The following RNF130 variants were observed in gnomAD, a reference collection of about 807,000 sequenced individuals.
The protein encoded by RNF130 is ring finger protein 130.
A neutral mutation model predicts 44.6 loss-of-function variants in RNF130; 21 were observed. The ratio of observed to expected loss-of-function variants is 0.47; its 90% CI spans 0.33 to 0.68. The LOEUF is 0.68. Among genes scored for constraint, RNF130 ranks in the 30% least tolerant of loss-of-function variants. RNF130 has a pLI of 0.02. For missense variants in RNF130, 479 were observed against 560.6 expected (o/e 0.85, Z 1.47); for synonymous variants, 214 against 210.4 (o/e 1.02, Z -0.15).
intron 1 of RNF130, among the ~76,000 whole-genome samples, chr5:180,055,811 G>A (rs374288079): frequency 6.6e-6 from 1 of 152,190 alleles, no homozygotes; most frequent in East Asian, 1.9e-4. Flanking sequence ...TACAACTGGT[G>A]CGTGGCTCAT....
chr5:179,914,288 A>G (rs1182480894), exon 8 of RNF130: 1 of 152,112 alleles, frequency 6.6e-6, no homozygotes, highest in East Asian at 1.9e-4. Context: ...ATCTTCCCAC[A>G]CTCCCTGACA....
chr5:179,928,620 T>A (rs906144789), intron 7 of RNF130, among the ~76,000 whole-genome samples: 20 of 144,022 alleles, frequency 1.4e-4, no homozygotes, highest in Non-Finnish European at 2.5e-4. Context: ...TGTATTTTTT[T>A]AATTGTTGTT....
chr5:180,018,501 T>G (rs939396086), intron 2 of RNF130, among the ~76,000 whole-genome samples: 1 of 152,116 alleles, frequency 6.6e-6, no homozygotes, highest in African/African-American at 2.4e-5. Flanking sequence ...TCACTAGCCA[T>G]GATTCAATGA....
intron 3 of RNF130, among the ~76,000 whole-genome samples, chr5:180,009,240 G>GA (rs1296127506): frequency 6.6e-6 from 1 of 152,012 alleles, no homozygotes; most frequent in Non-Finnish European, 1.5e-5. Context: ...ATTCATAAAA[G>GA]AAAAAATTAA....
intron 1 of RNF130, among the ~76,000 whole-genome samples, chr5:180,067,825 T>C (rs1409972731): frequency 6.6e-6 from 1 of 152,206 alleles, no homozygotes; most frequent in African/African-American, 2.4e-5. Flanking sequence ...AAACATTACA[T>C]GACCCCTTTC....
intron 7 of RNF130, among the ~76,000 whole-genome samples, chr5:179,948,998 C>T (rs1762086238): frequency 6.9e-6 from 1 of 145,806 alleles, no homozygotes; most frequent in African/African-American, 2.6e-5. Context: ...TGGAGTCTCG[C>T]TCTGTCACCC....
intron 1 of RNF130, among the ~76,000 whole-genome samples, chr5:180,053,063 A>G (rs1270043065): frequency 6.6e-6 from 1 of 152,236 alleles, no homozygotes; most frequent in Non-Finnish European, 1.5e-5. Context: ...GAAGCACTCA[A>G]GAACACCTCT....
At chr5:180,023,247 A>C (rs1324011975) in intron 2 of RNF130, among the ~76,000 whole-genome samples, 1 of 152,238 alleles carries the variant, frequency 6.6e-6, no homozygotes, top group East Asian at 1.9e-4. Flanking sequence ...ATATGTAGAT[A>C]TGCAGGAGTT....
intron 7 of RNF130, among the ~76,000 whole-genome samples, chr5:179,943,815 ATGT>A (rs1761997161): frequency 6.6e-6 from 1 of 152,184 alleles, no homozygotes; most frequent in South Asian, 2.1e-4. Context: ...GAGTTGCAAC[ATGT>A]TGACTGATTT....
chr5:180,061,068 CAAA>C (rs57744473), intron 1 of RNF130, among the ~76,000 whole-genome samples: 800 of 53,428 alleles, frequency 0.015, 1 homozygote, highest in Admixed American at 0.02. Context: ...GACTCCGTCT[CAAA>C]AAAAAAAAAA....
chr5:179,960,182 T>C (rs115939843), intron 8 of RNF130, among the ~76,000 whole-genome samples: 1 of 152,322 alleles, frequency 6.6e-6, no homozygotes, highest in African/African-American at 2.4e-5. Flanking sequence ...CTTTTGGGAA[T>C]TGAAATTCAG....
chr5:179,980,323 T>A, intron 3 of RNF130, 123 bp from the exon 4 acceptor site: 2 of 790,578 alleles, frequency 2.5e-6, no homozygotes, highest in Non-Finnish European at 4.1e-6. Flanking sequence ...GTCCTACATA[T>A]AAGAGAATGA....
At chr5:180,012,409 G>A (rs959950968) in intron 3 of RNF130, among the ~76,000 whole-genome samples, 1 of 152,130 alleles carries the variant, frequency 6.6e-6, no homozygotes, top group East Asian at 1.9e-4. Context: ...TCTGTCCACA[G>A]CACATCAATC....
chr5:180,064,960 T>C (rs750968443), intron 1 of RNF130, among the ~76,000 whole-genome samples: 1 of 152,208 alleles, frequency 6.6e-6, no homozygotes, highest in Non-Finnish European at 1.5e-5. Flanking sequence ...CTCAAAATTA[T>C]GACATATTTT....
intron 7 of RNF130, among the ~76,000 whole-genome samples, chr5:179,945,381 A>C (rs156098): frequency 1.3e-5 from 2 of 152,158 alleles, no homozygotes; most frequent in Non-Finnish European, 2.9e-5. Context: ...GTGGTACCTG[A>C]GCAAGGCGTT....
chr5:180,001,288 G>T (rs1763331138), intron 3 of RNF130, among the ~76,000 whole-genome samples: 1 of 152,148 alleles, frequency 6.6e-6, no homozygotes, highest in South Asian at 2.1e-4. Context: ...CCCTCTTGGT[G>T]TGAGGTCTGA....
chr5:180,007,960 T>A (rs940985285), intron 3 of RNF130, among the ~76,000 whole-genome samples: 12 of 150,760 alleles, frequency 8.0e-5, no homozygotes, highest in African/African-American at 2.4e-4. Flanking sequence ...GTTTCGTATG[T>A]CAACATATTT....
At chr5:180,018,199 G>A (rs1005934324) in intron 2 of RNF130, among the ~76,000 whole-genome samples, 3 of 151,858 alleles carry the variant, frequency 2.0e-5, no homozygotes, top group Non-Finnish European at 4.4e-5. Flanking sequence ...GGAGGCTGAG[G>A]CAGAAGAATT....
At chr5:180,020,353 A>C (rs1763843410) in intron 2 of RNF130, among the ~76,000 whole-genome samples, 1 of 152,168 alleles carries the variant, frequency 6.6e-6, no homozygotes, top group Non-Finnish European at 1.5e-5. Context: ...TGCTGCACAA[A>C]ACTGAAAGTG....
Sources: gnomAD v4.1 joint callset for allele counts (sites outside exome capture counted in the v4.1 genomes callset) on GRCh38, gnomAD v4.1.1 for gene constraint, MANE v1.5 for transcripts, NCBI Gene and HGNC (gene_info 2026-07-23, HGNC 2026-07-21) for gene names.